The following CSDE1 variants were observed in gnomAD, a reference collection of about 807,000 sequenced individuals.
The protein encoded by CSDE1 is cold shock domain containing E1, also known as cold shock domain-containing protein E1.
A neutral mutation model predicts 89.3 loss-of-function variants in CSDE1; 17 were observed. The observed-to-expected ratio is 0.19, with a 90% CI of 0.13 to 0.29. The LOEUF (loss-of-function observed/expected upper bound fraction) is 0.29. Ranked by LOEUF, CSDE1 falls within the 10% of genes least tolerant of loss-of-function variation. CSDE1 has a pLI of 1.00. For synonymous variants in CSDE1, 322 were observed against 332.8 expected (o/e 0.97, Z 0.35); for missense variants, 672 against 984.2 (o/e 0.68, Z 4.24).
intron 12 of CSDE1, among the ~76,000 whole-genome samples, chr1:114,729,532 A>T (rs1209920145): frequency 1.3e-5 from 2 of 151,276 alleles, no homozygotes; most frequent in Non-Finnish European, 2.9e-5. Context: ...AAAAAAAAAA[A>T]ATTCCTGTCG....
Position 114,732,835 on chromosome 1 carries a change from G to A in CSDE1, c.838-19C>T, listed in dbSNP as rs958770467. The A allele has an allele frequency of 6.6e-5, 105 of 1,582,274 alleles. No individual in the cohort carries two copies. Among genetic ancestry groups the A allele is most frequent in the Non-Finnish European group, 8.4e-5 (97 of 1,151,450 alleles). ...GGTCATTCTGATGAGAAGGAAAAAC[G>A]ATTTTAGCTGGAGATTTCTCATCCT... On this transcript the variant is annotated intron_variant, in intron 9 of 19. Transcript: ENST00000358528.
At chr1:114,745,011 A>C (rs1302775559) in intron 2 of CSDE1, among the ~76,000 whole-genome samples, 1 of 151,948 alleles carries the variant, frequency 6.6e-6, no homozygotes, top group Non-Finnish European at 1.5e-5. Context: ...TTAAAAAAAA[A>C]CTTGAATTTT....
chr1:114,751,786 T>C (rs544107934), intron 1 of CSDE1, among the ~76,000 whole-genome samples: 52 of 152,352 alleles, frequency 3.4e-4, no homozygotes, highest in Non-Finnish European at 6.9e-4. Flanking sequence ...ACTATCTTGA[T>C]TCTTCCCCTC....
intron 9 of CSDE1, among the ~76,000 whole-genome samples, chr1:114,733,309 C>A (rs539691453): frequency 2.6e-4 from 40 of 152,206 alleles, no homozygotes; most frequent in Non-Finnish European, 4.3e-4. Context: ...GGACAGATCG[C>A]AAGGTCAAGA....
chr1:114,726,782 A>G (rs1659823106), intron 13 of CSDE1, among the ~76,000 whole-genome samples: 1 of 152,260 alleles, frequency 6.6e-6, no homozygotes, highest in South Asian at 2.1e-4. Context: ...TTAAACAGCT[A>G]GATTAACAAG....
chr1:114,718,735 T>C lies in CSDE1; in HGVS notation c.2227A>G (p.Lys743Glu). Residue 743 changes from lysine (K) to glutamate (E), a missense_variant, in exon 19 of 20, where the codon AAG becomes GAG. Lys to Glu is a moderately conservative substitution (Grantham distance 56). Coordinates refer to ENST00000358528, the MANE Select transcript of CSDE1 (RefSeq NM_001007553.3). The stretch of plus-strand genomic sequence containing the variant: ...TCAGGTCGAGGAGCTGCAACAGCCT[T>C]GGGGCCCTCACTGTAATTAAGTCAA... The part of the protein sequence containing the change: ...CNVWRVCEGP[K>E]AVAAPRPDRL... 1 of 1,614,002 alleles carries C rather than the reference T, an allele frequency of 6.2e-7. No individual in the cohort carries two copies. The highest frequency in any genetic ancestry group is 2.2e-5 in the East Asian group (1 of 44,876).
At chr1:114,743,927 T>A (rs989635451) in intron 2 of CSDE1, among the ~76,000 whole-genome samples, 1 of 152,236 alleles carries the variant, frequency 6.6e-6, no homozygotes, top group Non-Finnish European at 1.5e-5. Flanking sequence ...CAACTTTAGA[T>A]AAGTTGATGT....
At position 114,726,970 on chromosome 1, in the gene CSDE1, A is replaced by G. The variant is rs766780095; in HGVS notation, c.1464+13T>C. 1 of 1,553,806 alleles carries G rather than the reference A, an allele frequency of 6.4e-7. No individual in the cohort carries two copies. On this transcript the variant is annotated intron_variant, in intron 13 of 19. Coordinates refer to ENST00000358528, the MANE Select transcript of CSDE1 (RefSeq NM_001007553.3). The stretch of plus-strand genomic sequence containing the variant: ...ACTCTTAACCCTCTCTCGAATGAGC[A>G]GAATTATCTTGCCTTATCTCCTATT...
At chr1:114,744,393 C>A (rs1443905776) in intron 2 of CSDE1, among the ~76,000 whole-genome samples, 2 of 151,994 alleles carry the variant, frequency 1.3e-5, no homozygotes, top group African/African-American at 4.8e-5. Context: ...CCAGCCTAGG[C>A]ACATGGCAAA....
At chr1:114,720,032 T>C (rs1434408803) in intron 17 of CSDE1, among the ~76,000 whole-genome samples, 3 of 152,196 alleles carry the variant, frequency 2.0e-5, no homozygotes, top group Admixed American at 1.3e-4. Context: ...CTTCAACATA[T>C]ATATTGTTTG....
At chr1:114,726,171 T>C (rs765875328) in intron 14 of CSDE1, 40 bp downstream of exon 14, 1 of 1,546,398 alleles carries the variant, frequency 6.5e-7, no homozygotes, top group South Asian at 1.2e-5. Flanking sequence ...AAAGAATGGA[T>C]GGTAAGTTAG....
At chr1:114,748,828 T>C (rs1661147033) in intron 2 of CSDE1, among the ~76,000 whole-genome samples, 1 of 152,228 alleles carries the variant, frequency 6.6e-6, no homozygotes. Flanking sequence ...ATTTGTCTTT[T>C]AAAGGTACAC....
intron 16 of CSDE1, among the ~76,000 whole-genome samples, 153 bp downstream of exon 16, chr1:114,723,730 T>C (rs1213515372): frequency 6.6e-6 from 1 of 152,174 alleles, no homozygotes; most frequent in Non-Finnish European, 1.5e-5. Context: ...TCAAGGGGTA[T>C]AAAAATAAAA....
intron 1 of CSDE1, among the ~76,000 whole-genome samples, chr1:114,750,581 T>C (rs1661248437): frequency 6.6e-6 from 1 of 152,056 alleles, no homozygotes; most frequent in Non-Finnish European, 1.5e-5. Flanking sequence ...AAAGACAAGA[T>C]GTAAACATGG....
In CSDE1 at chr1:114,734,781, CT is replaced by C. The variant is rs139972179; in HGVS notation, c.501-259del. On this transcript the variant is annotated intron_variant, in intron 6 of 19. Transcript: ENST00000358528. ...TCTGGGACTGTTGTTGGAAGATTTG[CT>C]TTTTTACAAACTTACACATGGGTGC... 6.4e-3 allele frequency among the ~76,000 whole-genome samples: 975 copies of C among 152,204 alleles called. 13 individuals carry two copies. The highest frequency in any genetic ancestry group is 0.022 in the African/African-American group (918 of 41,508).
At chr1:114,745,371 C>T (rs1254216822) in intron 2 of CSDE1, among the ~76,000 whole-genome samples, 1 of 152,080 alleles carries the variant, frequency 6.6e-6, no homozygotes, top group Non-Finnish European at 1.5e-5. Flanking sequence ...TTATGTAATG[C>T]TATGTGGTCA....
In CSDE1 at chr1:114,730,414, G is replaced by C. The variant is rs370782654; in HGVS notation, c.1200C>G (p.Leu400=). ...TAATAGCATGATTTCTTTGAGCAGA[G>C]AGCATATCCTAAAAATGATAAAACA... ...EVEFTVVPDM[L]SAQRNHAIRI... The change falls in exon 12 of 20, where the codon CTC becomes CTG. Residue 400 remains leucine, a synonymous_variant. Transcript: ENST00000358528. 6.8e-6 allele frequency: 11 copies of C among 1,612,656 alleles called. No individual in the cohort carries two copies. Among genetic ancestry groups the C allele is most frequent in the East Asian group, 2.2e-5 (1 of 44,886 alleles).
intron 17 of CSDE1, 84 bp from the exon 18 acceptor site, chr1:114,719,826 G>A: frequency 7.5e-7 from 1 of 1,339,200 alleles, no homozygotes; most frequent in Non-Finnish European, 1.0e-6. Flanking sequence ...TATCTAAAAG[G>A]ATGTATAAAA....
Position 114,736,865 on chromosome 1 carries a change from A to C in CSDE1, c.403-10T>G, listed in dbSNP as rs748887577. 6.3e-7 allele frequency: 1 copy of C among 1,588,160 alleles called. No individual in the cohort carries two copies. Among genetic ancestry groups the C allele is most frequent in the Non-Finnish European group, 8.6e-7 (1 of 1,158,362 alleles). On this transcript the variant is annotated splice_polypyrimidine_tract_variant and intron_variant, in intron 5 of 19. Transcript: ENST00000358528. ...TCAGATAAAACACTTCCTGTGAATT[A>C]ATAAATCATTATTACTATTTTGGCA... is the stretch of plus-strand genomic sequence containing the variant.
Sources: allele counts gnomAD v4.1 joint callset (sites outside exome capture counted in the v4.1 genomes callset), GRCh38; gene constraint gnomAD v4.1.1; transcripts MANE v1.5; gene names NCBI Gene and HGNC (gene_info 2026-07-23, HGNC 2026-07-21).